ENTREP2: variants seen among roughly 807,000 people sequenced by gnomAD.
The protein encoded by ENTREP2 is protein ENTREP2.
At chr15:29,256,890 A>G in the ENTREP2 span, among the ~76,000 whole-genome samples, 192 of 152,200 alleles carry the variant, frequency 1.3e-3, 1 homozygote, top group African/African-American at 4.2e-3. Flanking sequence ...GTAAAAGTAT[A>G]TAATAGTAGC....
the ENTREP2 span, among the ~76,000 whole-genome samples, chr15:29,495,192 C>T: frequency 2.0e-5 from 3 of 152,198 alleles, no homozygotes; most frequent in African/African-American, 7.2e-5. Context: ...TCCACAACCT[C>T]ACCAACTCTT....
At chr15:29,622,729 T>C in the ENTREP2 span, among the ~76,000 whole-genome samples, 2 of 152,118 alleles carry the variant, frequency 1.3e-5, no homozygotes, top group African/African-American at 2.4e-5. Context: ...AAAAGGAAAA[T>C]GGAAGTTTAC....
chr15:29,511,443 C>T, the ENTREP2 span, among the ~76,000 whole-genome samples: 1 of 151,786 alleles, frequency 6.6e-6, no homozygotes, highest in Non-Finnish European at 1.5e-5. Flanking sequence ...ATTCTTCCTC[C>T]TCAGCCTCCC....
At chr15:29,350,659 G>A in the ENTREP2 span, among the ~76,000 whole-genome samples, 1 of 152,166 alleles carries the variant, frequency 6.6e-6, no homozygotes, top group Admixed American at 6.5e-5. Context: ...TTTCATAAGA[G>A]AGGGTGGGTA....
the ENTREP2 span, among the ~76,000 whole-genome samples, chr15:29,165,345 GAAAC>G: frequency 4.9e-4 from 75 of 152,046 alleles, no homozygotes; most frequent in Non-Finnish European, 7.5e-4. Context: ...AAATGAAATT[GAAAC>G]AAACAAACAA....
At chr15:29,394,878 ATCTCTTTTTTT>A in the ENTREP2 span, among the ~76,000 whole-genome samples, 6,678 of 42,892 alleles carry the variant, frequency 0.16, 193 homozygotes, top group South Asian at 0.33. Context: ...ATGTGTCAGA[ATCTCTTTTTTT>A]TTTTTTTTTT....
chr15:29,511,798 C>T, the ENTREP2 span, among the ~76,000 whole-genome samples: 25 of 147,652 alleles, frequency 1.7e-4, no homozygotes, highest in East Asian at 4.5e-3. Context: ...ATAACAAACC[C>T]CTTACCCCAG....
chr15:29,254,843 A>AAAAC, the ENTREP2 span, among the ~76,000 whole-genome samples: 41 of 152,314 alleles, frequency 2.7e-4, no homozygotes, highest in African/African-American at 5.1e-4. Flanking sequence ...AGACTCCGTC[A>AAAAC]AAACAAACAA....
At chr15:29,453,224 A>T in the ENTREP2 span, among the ~76,000 whole-genome samples, 1 of 152,190 alleles carries the variant, frequency 6.6e-6, no homozygotes, top group Non-Finnish European at 1.5e-5. Flanking sequence ...ATCTGCACTT[A>T]AGCCTCAGAG....
chr15:29,635,705 C>T, the ENTREP2 span, among the ~76,000 whole-genome samples: 1 of 152,178 alleles, frequency 6.6e-6, no homozygotes, highest in South Asian at 2.1e-4. Context: ...CCCAGCCATG[C>T]GCTGTTGATG....
the ENTREP2 span, among the ~76,000 whole-genome samples, chr15:29,217,993 G>A: frequency 8.5e-5 from 13 of 152,200 alleles, no homozygotes; most frequent in South Asian, 1.0e-3. Context: ...TCCTATGAGC[G>A]GAACTGCAGT....
the ENTREP2 span, chr15:29,196,552 T>C: frequency 6.4e-7 from 1 of 1,550,766 alleles, no homozygotes; most frequent in African/African-American, 1.4e-5. Context: ...ACCTCCACAC[T>C]GTCAAACTTA....
the ENTREP2 span, among the ~76,000 whole-genome samples, chr15:29,473,541 C>T: frequency 2.6e-5 from 4 of 152,110 alleles, no homozygotes; most frequent in South Asian, 2.1e-4. Flanking sequence ...TTTTAAACAC[C>T]GCATGAGCTA....
the ENTREP2 span, among the ~76,000 whole-genome samples, chr15:29,494,395 CAAAT>C: frequency 2.0e-5 from 3 of 152,012 alleles, no homozygotes; most frequent in African/African-American, 7.2e-5. Flanking sequence ...GTATAAGTGA[CAAAT>C]AAAAATTGTA....
chr15:29,538,345 A>G, the ENTREP2 span, among the ~76,000 whole-genome samples: 1 of 152,186 alleles, frequency 6.6e-6, no homozygotes, highest in Non-Finnish European at 1.5e-5. Context: ...GAGTATAAGG[A>G]AGGAGAGAAG....
At chr15:29,536,892 C>A in the ENTREP2 span, among the ~76,000 whole-genome samples, 1 of 152,040 alleles carries the variant, frequency 6.6e-6, no homozygotes, top group African/African-American at 2.4e-5. Flanking sequence ...CTGGCCACCA[C>A]CAGAAGCCAG....
the ENTREP2 span, among the ~76,000 whole-genome samples, chr15:29,653,213 G>A: frequency 6.6e-6 from 1 of 152,182 alleles, no homozygotes; most frequent in African/African-American, 2.4e-5. Flanking sequence ...AGCTACCCAA[G>A]TACTTTGCAC....
At chr15:29,320,680 G>A in the ENTREP2 span, among the ~76,000 whole-genome samples, 6 of 152,200 alleles carry the variant, frequency 3.9e-5, 1 homozygote, top group Admixed American at 1.3e-4. Flanking sequence ...GAGATGGAAC[G>A]TCTGAGAAAA....
the ENTREP2 span, among the ~76,000 whole-genome samples, chr15:29,131,285 C>G: frequency 6.6e-6 from 1 of 151,920 alleles, no homozygotes; most frequent in Admixed American, 6.6e-5. Flanking sequence ...TTATGTGGAT[C>G]GTAAGTGTCA....
Sources: gnomAD v4.1 joint callset for allele counts (sites outside exome capture counted in the v4.1 genomes callset) on GRCh38, gnomAD v4.1.1 for gene constraint, MANE v1.5 for transcripts, NCBI Gene and HGNC (gene_info 2026-07-23, HGNC 2026-07-21) for gene names.